PCDHGA2: variants seen among roughly 807,000 people sequenced by gnomAD.
PCDHGA2 encodes protocadherin gamma-A2.
In PCDHGA2, 40 loss-of-function variants were observed where a neutral mutation model predicts 59.2. The ratio of observed to expected loss-of-function variants is 0.68; its 90% CI spans 0.52 to 0.88. The LOEUF is 0.88. Ranked by LOEUF, PCDHGA2 falls within the 40% of genes least tolerant of loss-of-function variation. The pLI is 0.00. For missense variants in PCDHGA2, 1,226 were observed against 1,204.0 expected (o/e 1.02, Z -0.27); for synonymous variants, 560 against 526.0 (o/e 1.06, Z -0.89).
chr5:141,356,483 G>C (rs2149791327), intron 1 of PCDHGA2: 1 of 1,613,938 alleles, frequency 6.2e-7, no homozygotes, highest in South Asian at 1.1e-5. Context: ...ACTGACCAGG[G>C]AACTCCTCCA....
Position 141,491,889 on chromosome 5 carries a change from C to T in PCDHGA2, c.2425-2918C>T, listed in dbSNP as rs2099734763. On this transcript the variant is annotated intron_variant, in intron 1 of 3. Transcript: ENST00000394576. The surrounding 1 kb of genome is among the most constrained non-coding windows in gnomAD (Gnocchi z 6.9). ...GAGTGGCCGATTAAGGGATGGGGCT[C>T]CGAGCACCGGGGGTGGTGGCGACTG... 11 of 1,441,360 alleles carry T rather than the reference C, an allele frequency of 7.6e-6. No individual in the cohort carries two copies. Among genetic ancestry groups the T allele is most frequent in the Non-Finnish European group, 1.0e-5 (11 of 1,090,600 alleles). 89.3% of individuals were successfully genotyped at this position (1,441,360 alleles called of 1,614,324 possible).
rs765751691 is a variant in PCDHGA2 at position 141,431,363 on chromosome 5, C to G, written c.2425-63444C>G. The G allele has an allele frequency of 6.2e-7, 1 of 1,614,024 alleles. No individual in the cohort carries two copies. The highest frequency in any genetic ancestry group is 2.2e-5 in the East Asian group (1 of 44,882). ...ATTGGTGCTGAAACGCGCCCTGGAC[C>G]GCGAAGAAAAGGCTGCTCACCACCT... is the stretch of plus-strand genomic sequence containing the variant. On this transcript the variant is annotated intron_variant, in intron 1 of 3. Transcript: ENST00000394576. This position sits in a 1 kb window ranked among gnomAD's most constrained non-coding sequence, Gnocchi z 4.8.
intron 1 of PCDHGA2, chr5:141,375,926 G>A: frequency 3.1e-6 from 5 of 1,613,758 alleles, no homozygotes; most frequent in African/African-American, 1.3e-5. Context: ...CAGCGAGCCA[G>A]GACTTTTCTC....
intron 1 of PCDHGA2, among the ~76,000 whole-genome samples, chr5:141,429,720 A>G (rs571388976): frequency 6.6e-6 from 1 of 152,340 alleles, no homozygotes; most frequent in South Asian, 2.1e-4. Context: ...TACGCTCATG[A>G]AAGTACGTAG....
intron 1 of PCDHGA2, chr5:141,360,169 C>T: frequency 1.9e-6 from 3 of 1,607,588 alleles, no homozygotes; most frequent in Admixed American, 1.7e-5. Context: ...CGGGCTGGTG[C>T]GGTGGCTGCA....
intron 1 of PCDHGA2, chr5:141,366,432 C>T (rs1250180313): frequency 3.7e-6 from 6 of 1,614,064 alleles, no homozygotes; most frequent in South Asian, 1.1e-5. Context: ...GCTGCAGTCT[C>T]CTGCGTCTTC....
At chr5:141,383,469 G>A (rs1779161077) in intron 1 of PCDHGA2, 1 of 1,613,786 alleles carries the variant, frequency 6.2e-7, no homozygotes, top group South Asian at 1.1e-5. Flanking sequence ...ATGAAACTAA[G>A]TACCCGGAAC....
chr5:141,477,519 A>C lies in PCDHGA2; in HGVS notation c.2425-17288A>C, dbSNP rs1255751458. 1 of 1,614,174 alleles carries C rather than the reference A, an allele frequency of 6.2e-7. No individual in the cohort carries two copies. The highest frequency in any genetic ancestry group is 2.2e-5 in the East Asian group (1 of 44,882). Reference sequence around the variant, plus strand: ...TCTTCCTACGACGTTTACATTGAAGAAAACAACCTCCCCGGGGCTCCAATA... The same window carrying C: ...TCTTCCTACGACGTTTACATTGAAGCAAACAACCTCCCCGGGGCTCCAATA... On this transcript the variant is annotated intron_variant, in intron 1 of 3. Transcript: ENST00000394576. The surrounding 1 kb of genome is among the most constrained non-coding windows in gnomAD (Gnocchi z 4.9).
chr5:141,382,072 G>A (rs901840757), intron 1 of PCDHGA2, among the ~76,000 whole-genome samples: 2 of 151,786 alleles, frequency 1.3e-5, no homozygotes, highest in African/African-American at 4.8e-5. Context: ...CAGGTGATCC[G>A]CCCGCCTCGG....
chr5:141,389,779 A>T (rs779598795), intron 1 of PCDHGA2: 1 of 1,613,298 alleles, frequency 6.2e-7, no homozygotes, highest in South Asian at 1.1e-5. Flanking sequence ...GCCTTAGGCG[A>T]CAGGGACGCC....
chr5:141,349,507 C>T (rs1239903644), intron 1 of PCDHGA2, among the ~76,000 whole-genome samples: 1 of 152,126 alleles, frequency 6.6e-6, no homozygotes, highest in Admixed American at 6.6e-5. Context: ...CAGACTTTGT[C>T]CTACTTAACT....
intron 1 of PCDHGA2, chr5:141,478,782 T>C: frequency 6.7e-7 from 1 of 1,485,212 alleles, no homozygotes. Context: ...GTGGACCTAA[T>C]TCACATCCTC....
At chr5:141,397,725 C>T (rs1292048088) in intron 1 of PCDHGA2, among the ~76,000 whole-genome samples, 1 of 152,180 alleles carries the variant, frequency 6.6e-6, no homozygotes, top group Non-Finnish European at 1.5e-5. Flanking sequence ...ATTTGGAAAA[C>T]AGAGAAAGAT....
At chr5:141,356,596 C>T (rs1274610162) in intron 1 of PCDHGA2, 1 of 1,614,026 alleles carries the variant, frequency 6.2e-7, no homozygotes, top group Non-Finnish European at 8.5e-7. Flanking sequence ...TGAAAACAAC[C>T]CCAGAGGAGC....
At chr5:141,483,640 G>T (rs1406049976) in intron 1 of PCDHGA2, among the ~76,000 whole-genome samples, 3 of 144,232 alleles carry the variant, frequency 2.1e-5, no homozygotes, top group Non-Finnish European at 4.5e-5. Flanking sequence ...GTATAGAGGG[G>T]TGTGTGTTTG....
At chr5:141,345,277 T>C (rs1757547210) in intron 1 of PCDHGA2, 1 of 1,613,908 alleles carries the variant, frequency 6.2e-7, no homozygotes. Flanking sequence ...CGCGAACAAA[T>C]ATCAGAATAT....
chr5:141,390,295 A>G (rs1371103397), intron 1 of PCDHGA2: 2 of 1,613,930 alleles, frequency 1.2e-6, no homozygotes, highest in South Asian at 2.2e-5. Flanking sequence ...AGTTTCCTTT[A>G]AGTATAATTT....
intron 1 of PCDHGA2, chr5:141,384,779 G>T (rs1252058358): frequency 6.2e-7 from 1 of 1,613,592 alleles, no homozygotes; most frequent in Non-Finnish European, 8.5e-7. Context: ...GGCGAGGTGC[G>T]CACGGCTCGG....
intron 1 of PCDHGA2, chr5:141,393,135 A>T: frequency 6.2e-7 from 1 of 1,613,294 alleles, no homozygotes; most frequent in Non-Finnish European, 8.5e-7. Context: ...AAATATTAAC[A>T]CCCTGGTTGA....
Sources: gnomAD v4.1 joint callset for allele counts (sites outside exome capture counted in the v4.1 genomes callset) on GRCh38, gnomAD v4.1.1 for gene constraint, Gnocchi (gnomAD v3.1) non-coding constraint, MANE v1.5 for transcripts, NCBI Gene and HGNC (gene_info 2026-07-23, HGNC 2026-07-21) for gene names.